The following ADAM23 variants were observed in gnomAD, a reference collection of about 807,000 sequenced individuals.
ADAM23 encodes the protein disintegrin and metalloproteinase domain-containing protein 23.
In ADAM23, 33 loss-of-function variants were observed where a neutral mutation model predicts 120.1. The ratio of observed to expected loss-of-function variants is 0.27; its 90% CI spans 0.21 to 0.37. The LOEUF is 0.37. Among genes scored for constraint, ADAM23 ranks in the 10% least tolerant of loss-of-function variants. The pLI is 1.00. For missense variants in ADAM23, 862 were observed against 1,058.2 expected (o/e 0.81, Z 2.57); for synonymous variants, 367 against 375.2 (o/e 0.98, Z 0.25).
intron 3 of ADAM23, among the ~76,000 whole-genome samples, chr2:206,509,841 T>G (rs1237948046): frequency 6.6e-6 from 1 of 152,228 alleles, no homozygotes; most frequent in Non-Finnish European, 1.5e-5. Flanking sequence ...ACTATGGTAA[T>G]AAGTTTTATG....
chr2:206,466,276 C>A (rs547430308), intron 2 of ADAM23, among the ~76,000 whole-genome samples: 1 of 152,216 alleles, frequency 6.6e-6, no homozygotes, highest in South Asian at 2.1e-4. Context: ...GCTGATCATT[C>A]TTTTGAAATT....
chr2:206,443,986 C>G lies in ADAM23; in HGVS notation c.120C>G (p.Arg40=), dbSNP rs897373708. The change falls in exon 1 of 26, where the codon CGC becomes CGG. Residue 40 remains arginine, a synonymous_variant. Transcript: ENST00000264377. ...AGSVPASAPA[R]TPPCRLLLVL... Reference sequence around the variant, plus strand: ...CGGTGCCTGCCAGCGCCCCGGCCCGCACGCCGCCCTGCCGCCTGCTTCTCG... The same window carrying G: ...CGGTGCCTGCCAGCGCCCCGGCCCGGACGCCGCCCTGCCGCCTGCTTCTCG... 1 of 1,381,478 alleles carries G rather than the reference C, an allele frequency of 7.2e-7. No individual in the cohort carries two copies. The highest frequency in any genetic ancestry group is 9.4e-7 in the Non-Finnish European group (1 of 1,063,760). 85.6% of individuals were successfully genotyped at this position (1,381,478 alleles called of 1,614,324 possible).
chr2:206,516,726 G>A (rs561441323), intron 3 of ADAM23, among the ~76,000 whole-genome samples: 2 of 152,216 alleles, frequency 1.3e-5, no homozygotes, highest in East Asian at 1.9e-4. Flanking sequence ...AATTTTGGGA[G>A]GGCACAGACG....
intron 2 of ADAM23, among the ~76,000 whole-genome samples, chr2:206,466,082 T>G (rs1417145935): frequency 6.6e-6 from 1 of 152,202 alleles, no homozygotes; most frequent in Non-Finnish European, 1.5e-5. Context: ...TATGATGATG[T>G]ATGCCTAAAA....
intron 18 of ADAM23, among the ~76,000 whole-genome samples, chr2:206,577,880 C>A (rs1379419896): frequency 3.3e-5 from 5 of 149,674 alleles, no homozygotes; most frequent in African/African-American, 9.8e-5. Context: ...GTCCCACCAA[C>A]AGTGTAAAAG....
At chr2:206,517,229 G>A (rs1696753613) in intron 3 of ADAM23, among the ~76,000 whole-genome samples, 1 of 152,050 alleles carries the variant, frequency 6.6e-6, no homozygotes, top group South Asian at 2.1e-4. Flanking sequence ...TGACTGCCTG[G>A]GATTGACTTT....
chr2:206,536,307 A>G (rs1697174534), intron 4 of ADAM23, among the ~76,000 whole-genome samples: 1 of 152,116 alleles, frequency 6.6e-6, no homozygotes. Flanking sequence ...AATCTAAAAA[A>G]GTCGAATATG....
intron 4 of ADAM23, among the ~76,000 whole-genome samples, chr2:206,535,430 A>G (rs914209211): frequency 6.6e-6 from 1 of 152,244 alleles, no homozygotes; most frequent in Admixed American, 6.5e-5. Context: ...AAGAGTTACC[A>G]TATCACCCAG....
At chr2:206,610,516 T>C (rs1016832656) in intron 25 of ADAM23, among the ~76,000 whole-genome samples, 4 of 152,236 alleles carry the variant, frequency 2.6e-5, no homozygotes, top group African/African-American at 9.6e-5. Flanking sequence ...TTTAAAAGTA[T>C]TTGTATAATC....
Position 206,561,579 on chromosome 2 carries a change from A to G in ADAM23, c.1254+367A>G, listed in dbSNP as rs114198884. 3.3e-3 allele frequency among the ~76,000 whole-genome samples: 507 copies of G among 152,162 alleles called. 3 individuals are homozygous for G. Among genetic ancestry groups the G allele is most frequent in the African/African-American group, 0.011 (474 of 41,514 alleles). On this transcript the variant is annotated intron_variant, in intron 12 of 25. Transcript: ENST00000264377. ...ACTCATTAAAATCAAAGGATTTCTG[A>G]TATCAGTACTGTATGTTTTTTTCTC...
chr2:206,500,116 C>T (rs1195964204), intron 3 of ADAM23, among the ~76,000 whole-genome samples: 1 of 152,066 alleles, frequency 6.6e-6, no homozygotes, highest in Non-Finnish European at 1.5e-5. Flanking sequence ...AAAATTCTTT[C>T]TTCCTATAAG....
chr2:206,495,414 A>G (rs1214913973), intron 3 of ADAM23, among the ~76,000 whole-genome samples: 1 of 152,186 alleles, frequency 6.6e-6, no homozygotes, highest in Non-Finnish European at 1.5e-5. Context: ...TTCATAAGTG[A>G]AGGAGAAATA....
At position 206,542,102 on chromosome 2, in the gene ADAM23, C is replaced by T; in HGVS notation, c.624C>T (p.Ser208=). ...YHGSIRGVKD[S]KVALSTCNGL... is the part of the protein sequence containing the mutation. ...GAAGCATCAGAGGCGTCAAAGACTC[C>T]AAGGTGGCTCTGTCAACCTGCAATG... The change falls in exon 5 of 26, where the codon TCC becomes TCT. Residue 208 remains serine (S), a synonymous_variant. Coordinates refer to ENST00000264377, the MANE Select transcript of ADAM23 (RefSeq NM_003812.4). 1.2e-6 allele frequency: 2 copies of T among 1,614,166 alleles called. No homozygotes were observed. Among genetic ancestry groups the T allele is most frequent in the Middle Eastern group, 1.6e-4 (1 of 6,062 alleles).
intron 21 of ADAM23, among the ~76,000 whole-genome samples, chr2:206,589,755 A>G (rs1698390669): frequency 6.6e-6 from 1 of 152,194 alleles, no homozygotes; most frequent in Non-Finnish European, 1.5e-5. Context: ...CAGGTGCCAC[A>G]TTTTACTTCA....
chr2:206,582,736 T>C (rs1316444619), intron 18 of ADAM23, among the ~76,000 whole-genome samples: 1 of 152,226 alleles, frequency 6.6e-6, no homozygotes, highest in Non-Finnish European at 1.5e-5. Flanking sequence ...TTAGCAGTTC[T>C]TGTAGTGGTG....
intron 2 of ADAM23, among the ~76,000 whole-genome samples, chr2:206,451,837 G>C (rs545746147): frequency 2.8e-4 from 42 of 152,324 alleles, no homozygotes; most frequent in African/African-American, 9.6e-4. Flanking sequence ...TAAGTCCTAG[G>C]AAGTCAAGAG....
At chr2:206,477,591 G>C (rs1199437781) in intron 2 of ADAM23, among the ~76,000 whole-genome samples, 1 of 152,102 alleles carries the variant, frequency 6.6e-6, no homozygotes, top group Non-Finnish European at 1.5e-5. Context: ...AACTGATTAT[G>C]ACCTAATATG....
intron 3 of ADAM23, among the ~76,000 whole-genome samples, chr2:206,483,970 G>T (rs1303645068): frequency 6.6e-6 from 1 of 152,186 alleles, no homozygotes; most frequent in Non-Finnish European, 1.5e-5. Context: ...AGAGCAAGTT[G>T]GCAGAGCAAG....
At chr2:206,550,479 G>A (rs1403033661) in intron 9 of ADAM23, among the ~76,000 whole-genome samples, 1 of 151,372 alleles carries the variant, frequency 6.6e-6, no homozygotes, top group Admixed American at 6.6e-5. Context: ...CCGTGCTTTT[G>A]TCCTGCTAAT....
Sources: gnomAD v4.1 joint callset for allele counts (sites outside exome capture counted in the v4.1 genomes callset) on GRCh38, gnomAD v4.1.1 for gene constraint, MANE v1.5 for transcripts, NCBI Gene and HGNC (gene_info 2026-07-23, HGNC 2026-07-21) for gene names.